RECQL5: variants seen among roughly 807,000 people sequenced by gnomAD.
The protein encoded by RECQL5 is ATP-dependent DNA helicase Q5.
A neutral mutation model predicts 103.4 loss-of-function variants in RECQL5; 88 were observed. The ratio of observed to expected loss-of-function variants is 0.85; its 90% CI spans 0.72 to 1.02. The LOEUF (loss-of-function observed/expected upper bound fraction) is 1.02. Among genes scored for constraint, RECQL5 ranks in the 50% least tolerant of loss-of-function variants. RECQL5 has a pLI of 0.00. For missense variants in RECQL5, 1,232 were observed against 1,284.3 expected, an observed-to-expected ratio of 0.96 and a Z score of 0.62; for synonymous variants, 552 against 507.9, an observed-to-expected ratio of 1.09 and a Z score of -1.17.
At chr17:75,647,496 A>C (rs2059503144) in intron 8 of RECQL5, 1 of 1,550,192 alleles carries the variant, frequency 6.5e-7, no homozygotes. Context: ...TTCTCATCTT[A>C]TTTGCCATCG....
At chr17:75,651,136 G>C (rs200461445) in intron 8 of RECQL5, 50 bp downstream of exon 8, 26 of 1,613,844 alleles carry the variant, frequency 1.6e-5, no homozygotes, top group Non-Finnish European at 4.2e-6. Flanking sequence ...TGCCGGGGAA[G>C]TAAATGATCT....
intron 18 of RECQL5, 111 bp downstream of exon 18, chr17:75,628,107 G>T: frequency 1.0e-6 from 1 of 952,394 alleles, no homozygotes; most frequent in Non-Finnish European, 1.6e-6. Context: ...ACGGGCGTGG[G>T]GCTGGCCCTA....
intron 7 of RECQL5, among the ~76,000 whole-genome samples, chr17:75,656,237 T>A (rs2059618486): frequency 6.6e-6 from 1 of 152,004 alleles, no homozygotes; most frequent in South Asian, 2.1e-4. Context: ...CCACCACACC[T>A]GGCTAATTTT....
intron 5 of RECQL5, 88 bp from the exon 6 acceptor site, chr17:75,661,154 G>A: frequency 1.0e-6 from 1 of 963,132 alleles, no homozygotes; most frequent in Admixed American, 1.7e-5. Context: ...TGTGTGCTAG[G>A]CACTTCACAA....
At chr17:75,633,439 C>A (rs1254677564) in intron 8 of RECQL5, 1 of 1,288,858 alleles carries the variant, frequency 7.8e-7, no homozygotes, top group East Asian at 5.6e-5. Flanking sequence ...GCGGTCACAG[C>A]CCCAGCAGAA....
At chr17:75,641,249 C>T (rs1166883060) in intron 8 of RECQL5, 2 of 220,782 alleles carry the variant, frequency 9.1e-6, no homozygotes, top group African/African-American at 4.4e-5. Context: ...GGCAATTGGC[C>T]CTTGGGGCTC....
intron 7 of RECQL5, among the ~76,000 whole-genome samples, chr17:75,656,629 T>A (rs1333255082): frequency 6.6e-6 from 1 of 152,178 alleles, no homozygotes; most frequent in African/African-American, 2.4e-5. Flanking sequence ...TTGAGTAGAT[T>A]TCTAGTAGGG....
At chr17:75,657,793 T>A (rs2059644107) in intron 7 of RECQL5, among the ~76,000 whole-genome samples, 1 of 149,558 alleles carries the variant, frequency 6.7e-6, no homozygotes, top group South Asian at 2.1e-4. Context: ...CTCATGCTTG[T>A]AACCCCAACA....
intron 7 of RECQL5, 24 bp downstream of exon 7, chr17:75,658,274 G>T: frequency 6.2e-7 from 1 of 1,606,778 alleles, no homozygotes; most frequent in African/African-American, 1.3e-5. Flanking sequence ...CAGACTGAAA[G>T]ACCTTCTACT....
rs746853896 is a variant in RECQL5, at chr17:75,640,811, C to A, written c.1230-9143G>T. The stretch of plus-strand genomic sequence containing the variant: ...TCCAGCTACTGTTCTGCTGTTGCTG[C>A]TGATAGCCTGCAGCTGCTGCTGCAC... On this transcript the variant is annotated intron_variant, in intron 8 of 19. Coordinates refer to ENST00000317905, the MANE Select transcript of RECQL5 (RefSeq NM_004259.7). This position sits in a 1 kb window ranked among gnomAD's most constrained non-coding sequence, Gnocchi z 4.6. 1.8e-5 allele frequency: 28 copies of A among 1,550,190 alleles called. No homozygotes were observed. The African/African-American group carries it at 3.6e-4, about 20-fold the overall frequency.
At chr17:75,652,587 G>A (rs951237547) in intron 7 of RECQL5, 2 of 152,826 alleles carry the variant, frequency 1.3e-5, no homozygotes, top group African/African-American at 4.8e-5. Flanking sequence ...GGAGCACCCT[G>A]AATGAGCGGG....
chr17:75,650,995 G>A (rs1253859542), intron 8 of RECQL5, 191 bp downstream of exon 8: 9 of 1,507,628 alleles, frequency 6.0e-6, no homozygotes, highest in East Asian at 2.3e-5. Flanking sequence ...CCCACACTGC[G>A]AGAGATCCCG....
Position 75,627,346 on chromosome 17 carries a change from C to A in RECQL5, c.*76G>T. 1 of 1,087,712 alleles carries A rather than the reference C, an allele frequency of 9.2e-7. No homozygotes were observed. Among genetic ancestry groups the A allele is most frequent in the Non-Finnish European group, 1.4e-6 (1 of 711,272 alleles). 67.4% of individuals were successfully genotyped at this position (1,087,712 alleles called of 1,614,324 possible). A position where few individuals can be genotyped will look rare whatever the true frequency, so the allele number is the denominator to read the frequency against. ...GACTGAGAAAAGACGATGGCCCTGG[C>A]ATCAGCAGGTGAGGCCCAGGATGAC... On this transcript the variant is annotated 3_prime_UTR_variant, in exon 20 of 20. Coordinates refer to ENST00000317905, the MANE Select transcript of RECQL5 (RefSeq NM_004259.7).
At chr17:75,659,967 G>C (rs1458448276) in intron 6 of RECQL5, among the ~76,000 whole-genome samples, 2 of 152,146 alleles carry the variant, frequency 1.3e-5, no homozygotes, top group African/African-American at 4.8e-5. Flanking sequence ...AAGGAATGAT[G>C]GTTCTAAGAG....
At position 75,631,412 on chromosome 17, in the gene RECQL5, T is replaced by C. The variant is rs1214818564; in HGVS notation, c.1448+38A>G. Reference sequence around the variant, plus strand: ...CTGGCGCCAAGGGAATGCCAGGCAATTCCAGCGGGTTGGAGCCCTGGCTTC... The same window carrying C: ...CTGGCGCCAAGGGAATGCCAGGCAACTCCAGCGGGTTGGAGCCCTGGCTTC... On this transcript the variant is annotated intron_variant, in intron 9 of 19. Transcript: ENST00000317905. 3.1e-6 allele frequency: 5 copies of C among 1,594,824 alleles called. No homozygotes were observed. In the East Asian group the frequency reaches 1.1e-4, roughly 36 times the overall value.
In RECQL5 at chr17:75,665,034, A is replaced by T; in HGVS notation, c.252+17T>A. On this transcript the variant is annotated intron_variant, in intron 3 of 19. Coordinates refer to ENST00000317905, the MANE Select transcript of RECQL5 (RefSeq NM_004259.7). ...CGAATCTTTTTGGGCTACCATCTTC[A>T]TTGCCCTAAGCCTCACCTGAATCAA... 1 of 1,538,114 alleles carries T rather than the reference A, an allele frequency of 6.5e-7. No homozygotes were observed. The highest frequency in any genetic ancestry group is 8.7e-7 in the Non-Finnish European group (1 of 1,148,488).
chr17:75,648,606 C>T (rs947797620), intron 8 of RECQL5, among the ~76,000 whole-genome samples: 1 of 151,080 alleles, frequency 6.6e-6, no homozygotes, highest in Non-Finnish European at 1.5e-5. Flanking sequence ...ATCTCCTCAC[C>T]TTGTGATCCA....
At chr17:75,648,147 GTTCT>G (rs768208083) in intron 8 of RECQL5, among the ~76,000 whole-genome samples, 2 of 151,684 alleles carry the variant, frequency 1.3e-5, no homozygotes, top group Non-Finnish European at 2.9e-5. Flanking sequence ...AATATGCTGT[GTTCT>G]CTCCCACCAC....
intron 17 of RECQL5, 82 bp downstream of exon 17, chr17:75,628,590 G>A: frequency 6.6e-7 from 1 of 1,510,272 alleles, no homozygotes; most frequent in Non-Finnish European, 8.8e-7. Flanking sequence ...GATTTTCCCT[G>A]ACCCCTTGAG....
Sources: gnomAD v4.1 joint callset for allele counts (sites outside exome capture counted in the v4.1 genomes callset) on GRCh38, gnomAD v4.1.1 for gene constraint, Gnocchi (gnomAD v3.1) non-coding constraint, MANE v1.5 for transcripts, NCBI Gene and HGNC (gene_info 2026-07-23, HGNC 2026-07-21) for gene names.